The following QPCT variants were observed in gnomAD, a reference collection of about 807,000 sequenced individuals.
QPCT encodes glutaminyl-peptide cyclotransferase.
QPCT carries 44 observed loss-of-function variants against 43.4 expected under a neutral mutation model. The ratio of observed to expected loss-of-function variants is 1.01; its 90% confidence interval spans 0.80 to 1.30. The LOEUF is 1.30. Ranked by LOEUF, QPCT falls within the 50% of genes most tolerant of loss-of-function variation. QPCT has a pLI of 0.00. For synonymous variants in QPCT, 168 were observed against 168.4 expected (o/e 1.00, Z 0.02); for missense variants, 526 against 436.5 (o/e 1.21, Z -1.83).
Position 37,359,835 on chromosome 2 carries a change from G to A in QPCT, c.523G>A (p.Asp175Asn), listed in dbSNP as rs1455327298. The change falls in exon 3 of 7, where the codon GAC becomes AAC. Residue 175 changes from aspartate to asparagine, a missense_variant. Transcript: ENST00000338415. ...GATGTTGGAACTTGCTCGTGCCTTA[G>A]ACAAGAAACTCCTTTCCTTAAAGGT... is the stretch of plus-strand genomic sequence containing the variant. ...AMMLELARAL[D>N]KKLLSLKTVS... is the part of the protein sequence containing the mutation. The A allele has an allele frequency of 6.2e-7, 1 of 1,614,152 alleles. No individual in the cohort carries two copies. The highest frequency in any genetic ancestry group is 8.5e-7 in the Non-Finnish European group (1 of 1,180,006).
intron 3 of QPCT, among the ~76,000 whole-genome samples, chr2:37,363,175 G>T (rs1398441315): frequency 6.6e-6 from 1 of 152,210 alleles, no homozygotes. Flanking sequence ...CCCAGATGGT[G>T]ACATTCAGTA....
chr2:37,349,159 A>G (rs895323616), intron 1 of QPCT, among the ~76,000 whole-genome samples: 1 of 152,190 alleles, frequency 6.6e-6, no homozygotes, highest in Non-Finnish European at 1.5e-5. Context: ...GTTACTGGGA[A>G]GCTTTTAGCT....
At chr2:37,370,207 T>A (rs1041104786) in intron 5 of QPCT, among the ~76,000 whole-genome samples, 2 of 152,090 alleles carry the variant, frequency 1.3e-5, no homozygotes, top group African/African-American at 4.8e-5. Context: ...AAAATTATAA[T>A]TTAAGTATAT....
chr2:37,356,322 A>ATC, intron 2 of QPCT, among the ~76,000 whole-genome samples: 3 of 151,538 alleles, frequency 2.0e-5, no homozygotes. Context: ...CCCTATCTCC[A>ATC]TCTCTCTCAC....
chr2:37,362,806 G>C (rs146877953), intron 3 of QPCT, among the ~76,000 whole-genome samples: 245 of 152,338 alleles, frequency 1.6e-3, no homozygotes, highest in African/African-American at 5.6e-3. Flanking sequence ...AGCTGAGGAA[G>C]GCAGAGGTGA....
At chr2:37,369,633 A>G (rs1673031671) in intron 4 of QPCT, 52 bp from the exon 5 acceptor site, 1 of 1,349,412 alleles carries the variant, frequency 7.4e-7, no homozygotes. Flanking sequence ...CTGTTGATGA[A>G]TATAAAACAC....
intron 1 of QPCT, among the ~76,000 whole-genome samples, chr2:37,350,966 G>T (rs1314235879): frequency 6.6e-6 from 1 of 152,342 alleles, no homozygotes; most frequent in African/African-American, 2.4e-5. Context: ...GCTAGTAGGT[G>T]GTGGGGTGCT....
chr2:37,365,075 C>T (rs1162227534), intron 3 of QPCT, among the ~76,000 whole-genome samples: 2 of 149,776 alleles, frequency 1.3e-5, no homozygotes, highest in Non-Finnish European at 3.0e-5. Flanking sequence ...ACACACAACA[C>T]AGCACACACA....
In QPCT at chr2:37,347,168, T is replaced by TC. The variant is rs1426281019; in HGVS notation, c.120+2317_120+2318insC. Among the ~76,000 whole-genome samples, 17 of 52,826 alleles carry TC rather than the reference T, an allele frequency of 3.2e-4. 3 individuals are homozygous for TC. Among genetic ancestry groups the TC allele is most frequent in the East Asian group, 5.0e-3 (2 of 404 alleles). 34.7% of individuals were successfully genotyped at this position (52,826 alleles called of 152,430 possible). A position where few individuals can be genotyped will look rare whatever the true frequency, so the allele number is the denominator to read the frequency against. ...TTTATATATATATATATATATAACATATATATATATAACATATATATATAA... is the reference window on the plus strand; with the variant it reads ...TTTATATATATATATATATATAACATCATATATATATAACATATATATATAA... On this transcript the variant is annotated intron_variant, in intron 1 of 6. Coordinates refer to ENST00000338415, the MANE Select transcript of QPCT (RefSeq NM_012413.4).
At chr2:37,355,972 TA>T (rs1672735387) in intron 2 of QPCT, among the ~76,000 whole-genome samples, 2 of 152,102 alleles carry the variant, frequency 1.3e-5, no homozygotes, top group South Asian at 4.2e-4. Flanking sequence ...GAGGGACTCA[TA>T]TATGGTGCAC....
chr2:37,360,507 T>C (rs1672840557), intron 3 of QPCT, among the ~76,000 whole-genome samples: 1 of 152,198 alleles, frequency 6.6e-6, no homozygotes. Context: ...GATGAAGATA[T>C]TTTGTTCTGA....
Position 37,372,456 on chromosome 2 carries a change from T to G in QPCT, c.924T>G (p.Ile308Met). 1 of 1,613,092 alleles carries G rather than the reference T, an allele frequency of 6.2e-7. No homozygotes were observed. The highest frequency in any genetic ancestry group is 8.5e-7 in the Non-Finnish European group (1 of 1,179,096). ...SYGGVIQDDH[I>M]PFLRRGVPVL... ...GAGGTGTGATTCAGGATGACCATATTCCATTTTTAAGAAGAGGTAATGTGT... is the reference window on the plus strand; with the variant it reads ...GAGGTGTGATTCAGGATGACCATATGCCATTTTTAAGAAGAGGTAATGTGT... Residue 308 changes from isoleucine to methionine, a missense_variant, in exon 6 of 7, where the codon ATT (isoleucine) becomes ATG (methionine). Physicochemically the swap from Ile to Met is conservative, Grantham distance 10. Coordinates refer to ENST00000338415, the MANE Select transcript of QPCT (RefSeq NM_012413.4).
At chr2:37,367,897 G>A (rs1210922098) in intron 4 of QPCT, among the ~76,000 whole-genome samples, 2 of 152,056 alleles carry the variant, frequency 1.3e-5, no homozygotes, top group African/African-American at 4.8e-5. Context: ...AAAATTGCTG[G>A]TTAGAAGCCA....
chr2:37,358,789 T>C (rs1401765581), intron 2 of QPCT: 3 of 152,234 alleles, frequency 2.0e-5, no homozygotes, highest in Admixed American at 6.5e-5. Context: ...GATATGTTAT[T>C]ATGGTTCAGG....
At chr2:37,370,373 C>T (rs1416059270) in intron 5 of QPCT, among the ~76,000 whole-genome samples, 3 of 152,032 alleles carry the variant, frequency 2.0e-5, no homozygotes, top group African/African-American at 7.3e-5. Context: ...GTTTGCACAT[C>T]CTTAAAAATG....
chr2:37,367,126 C>A, intron 3 of QPCT, 106 bp from the exon 4 acceptor site: 1 of 1,287,640 alleles, frequency 7.8e-7, no homozygotes, highest in Non-Finnish European at 1.1e-6. Context: ...TTGGTATCTT[C>A]CTTTCTTTAT....
intron 2 of QPCT, among the ~76,000 whole-genome samples, chr2:37,354,968 G>A (rs1313632883): frequency 6.6e-6 from 1 of 152,156 alleles, no homozygotes; most frequent in African/African-American, 2.4e-5. Context: ...AGCTTCAACA[G>A]AATACAGTAT....
chr2:37,352,028 T>G (rs1021059239), intron 1 of QPCT, among the ~76,000 whole-genome samples: 1 of 134,326 alleles, frequency 7.4e-6, no homozygotes, highest in African/African-American at 2.7e-5. Context: ...AACCCCAACT[T>G]CAAAAAAAAA....
intron 1 of QPCT, 115 bp from the exon 2 acceptor site, chr2:37,352,674 T>G: frequency 7.6e-7 from 1 of 1,314,228 alleles, no homozygotes; most frequent in Non-Finnish European, 1.1e-6. Context: ...ATTTACCTCA[T>G]TTGACATAAA....
Sources: gnomAD v4.1 joint callset for allele counts (sites outside exome capture counted in the v4.1 genomes callset) on GRCh38, gnomAD v4.1.1 for gene constraint, MANE v1.5 for transcripts, NCBI Gene and HGNC (gene_info 2026-07-23, HGNC 2026-07-21) for gene names.